The following UBASH3A variants were observed in gnomAD, a reference collection of about 807,000 sequenced individuals.
UBASH3A encodes the protein ubiquitin-associated and SH3 domain-containing protein A.
UBASH3A carries 63 observed loss-of-function variants against 73.5 expected under a neutral mutation model. The observed-to-expected ratio is 0.86, with a 90% CI of 0.70 to 1.06. The LOEUF (loss-of-function observed/expected upper bound fraction) is 1.06, where lower values mean the gene tolerates loss of function less well. Ranked by LOEUF, UBASH3A falls within the 50% of genes least tolerant of loss-of-function variation. The probability of loss-of-function intolerance (pLI) is 0.00; values close to 1 mark genes in which losing one functional copy is unlikely to be tolerated. For synonymous variants in UBASH3A, 363 were observed against 351.1 expected (o/e 1.03, Z -0.38); for missense variants, 860 against 859.0 (o/e 1.00, Z -0.02).
intron 6 of UBASH3A, chr21:42,417,391 T>G (rs1453271158): frequency 8.9e-6 from 1 of 111,746 alleles, no homozygotes; most frequent in Non-Finnish European, 1.6e-5. Context: ...ACCGTTGCAC[T>G]CCAGCCTGGG....
chr21:42,419,315 G>A (rs144621684), intron 7 of UBASH3A, among the ~76,000 whole-genome samples: 36 of 152,178 alleles, frequency 2.4e-4, no homozygotes, highest in African/African-American at 4.3e-4. Flanking sequence ...TTTTTTGTTC[G>A]ATGTTCTTCC....
chr21:42,434,772 G>T, intron 9 of UBASH3A, 60 bp from the exon 10 acceptor site: 2 of 1,551,458 alleles, frequency 1.3e-6, no homozygotes, highest in Non-Finnish European at 1.7e-6. Flanking sequence ...TGGGAGTTTT[G>T]TGGAACAAAT....
At chr21:42,446,995 C>A in intron 14 of UBASH3A, 62 bp from the exon 15 acceptor site, 1 of 1,559,474 alleles carries the variant, frequency 6.4e-7, no homozygotes. Flanking sequence ...GGCTTTGGAG[C>A]TAGTCTGAAA....
intron 8 of UBASH3A, among the ~76,000 whole-genome samples, chr21:42,431,471 C>T (rs1432989672): frequency 6.6e-6 from 1 of 152,260 alleles, no homozygotes; most frequent in Non-Finnish European, 1.5e-5. Flanking sequence ...ACCGCCAAGG[C>T]CAGTCTCATG....
chr21:42,437,362 C>A, intron 10 of UBASH3A, 126 bp from the exon 11 acceptor site: 1 of 757,484 alleles, frequency 1.3e-6, no homozygotes, highest in Non-Finnish European at 2.3e-6. Context: ...CAGGGTGTGT[C>A]ACACCAGGGG....
At chr21:42,437,457 G>C (rs779013939) in intron 10 of UBASH3A, 31 bp from the exon 11 acceptor site, 3 of 1,590,052 alleles carry the variant, frequency 1.9e-6, no homozygotes, top group Non-Finnish European at 2.6e-6. Flanking sequence ...ATTATGAAGG[G>C]GCATTTTCTG....
At chr21:42,435,716 T>C (rs192615867) in intron 10 of UBASH3A, among the ~76,000 whole-genome samples, 1 of 152,048 alleles carries the variant, frequency 6.6e-6, no homozygotes, top group African/African-American at 2.4e-5. Context: ...TATAGAATTA[T>C]AGAGTTAGTT....
chr21:42,424,745 T>C (rs1007762671), intron 7 of UBASH3A, among the ~76,000 whole-genome samples: 4 of 152,210 alleles, frequency 2.6e-5, no homozygotes, highest in African/African-American at 9.6e-5. Context: ...CCAACATTCA[T>C]ATGTGGAGGT....
intron 9 of UBASH3A, 30 bp from the exon 10 acceptor site, chr21:42,434,802 C>T (rs768897170): frequency 2.5e-6 from 4 of 1,601,480 alleles, no homozygotes; most frequent in Non-Finnish European, 3.4e-6. Flanking sequence ...CTTGATGAAA[C>T]TGAACGTCTG....
At position 42,447,151 on chromosome 21, in the gene UBASH3A, C is replaced by G; in HGVS notation, c.1943C>G (p.Ala648Gly). ...CCGGTGAAGACCCTGACCCACGGGG[C>G]GAACGCAGCATTTAACTGGAGGAAC... ...NPPVKTLTHGANAAFNWRNWI... is the reference protein window; with the variant it reads ...NPPVKTLTHGGNAAFNWRNWI... Residue 648 changes from alanine to glycine, a missense_variant, in exon 15 of 15, where the codon GCG becomes GGG. By Grantham distance (60) the Ala-to-Gly change is moderately conservative. Coordinates refer to ENST00000319294, the MANE Select transcript of UBASH3A (RefSeq NM_018961.4). 1.9e-6 allele frequency: 3 copies of G among 1,614,070 alleles called. No homozygotes were observed. Among genetic ancestry groups the G allele is most frequent in the Non-Finnish European group, 2.5e-6 (3 of 1,179,980 alleles).
At chr21:42,410,914 GAC>G (rs1286151502) in intron 3 of UBASH3A, among the ~76,000 whole-genome samples, 3 of 150,488 alleles carry the variant, frequency 2.0e-5, no homozygotes, top group Non-Finnish European at 4.4e-5. Flanking sequence ...CATAGATATA[GAC>G]ACACAGACAC....
At chr21:42,439,728 ACCACACACAC>A (rs2053696797) in intron 11 of UBASH3A, among the ~76,000 whole-genome samples, 13 of 129,186 alleles carry the variant, frequency 1.0e-4, no homozygotes, top group Admixed American at 7.8e-4. Flanking sequence ...ACACCCACAC[ACCACACACAC>A]CCACACACAC....
chr21:42,408,131 G>A (rs897624464), intron 2 of UBASH3A, among the ~76,000 whole-genome samples: 3 of 152,174 alleles, frequency 2.0e-5, no homozygotes, highest in Admixed American at 2.0e-4. Context: ...AAAGGGGGAG[G>A]GTGGGAACCA....
At chr21:42,409,989 T>C (rs1447846370) in intron 3 of UBASH3A, 2 of 682,020 alleles carry the variant, frequency 2.9e-6, no homozygotes, top group African/African-American at 3.5e-5. Context: ...ACCTCACTCA[T>C]CTTTGCACCC....
At chr21:42,427,861 C>A (rs569174384) in intron 8 of UBASH3A, among the ~76,000 whole-genome samples, 1 of 152,206 alleles carries the variant, frequency 6.6e-6, no homozygotes, top group South Asian at 2.1e-4. Flanking sequence ...CAGTGGCTCA[C>A]CCTAAGGTCA....
At chr21:42,439,691 C>T (rs1461459931) in intron 11 of UBASH3A, among the ~76,000 whole-genome samples, 2 of 140,556 alleles carry the variant, frequency 1.4e-5, no homozygotes, top group East Asian at 2.1e-4. Context: ...CACACACACA[C>T]TACACACACC....
chr21:42,417,878 C>CTTTTTTTTTTTTTTTTTT (rs796939696), intron 6 of UBASH3A, among the ~76,000 whole-genome samples: 24 of 90,626 alleles, frequency 2.6e-4, no homozygotes, highest in South Asian at 4.3e-4. Context: ...TTCTTTTTTT[C>CTTTTTTTTTTTTTTTTTT]TTTTTTTTTT....
At chr21:42,423,923 G>T (rs1389769220) in intron 7 of UBASH3A, among the ~76,000 whole-genome samples, 1 of 152,164 alleles carries the variant, frequency 6.6e-6, no homozygotes, top group African/African-American at 2.4e-5. Flanking sequence ...TTATGGGCCA[G>T]TGAGGCAGAT....
chr21:42,409,924 G>A lies in UBASH3A; in HGVS notation c.354+316G>A. On this transcript the variant is annotated intron_variant, in intron 3 of 14. Transcript: ENST00000319294. ...CACTTTTGTATCATACGGGCCATGT[G>A]TCTGGTGCAGCACCGCATCCCTCAC... is the stretch of plus-strand genomic sequence containing the variant. 1.3e-5 allele frequency among the ~76,000 whole-genome samples: 2 copies of A among 152,128 alleles called. 1 individual carries two copies. The highest frequency in any genetic ancestry group is 2.9e-5 in the Non-Finnish European group (2 of 68,036).
Sources: gnomAD v4.1 joint callset for allele counts (sites outside exome capture counted in the v4.1 genomes callset) on GRCh38, gnomAD v4.1.1 for gene constraint, MANE v1.5 for transcripts, NCBI Gene and HGNC (gene_info 2026-07-23, HGNC 2026-07-21) for gene names.